The following REEP3 variants were observed in gnomAD, a reference collection of about 807,000 sequenced individuals.
REEP3 encodes the protein receptor expression-enhancing protein 3.
A neutral mutation model predicts 41.3 loss-of-function variants in REEP3; 20 were observed. That is an observed-to-expected ratio of 0.48 (90% CI 0.34 to 0.70). REEP3 has a LOEUF of 0.70. Among genes scored for constraint, REEP3 ranks in the 30% least tolerant of loss-of-function variants. The pLI, the probability that REEP3 is intolerant of heterozygous loss-of-function variation, is 0.01. For synonymous variants in REEP3, 104 were observed against 101.8 expected (o/e 1.02, Z -0.13); for missense variants, 271 against 308.8 (o/e 0.88, Z 0.92).
rs184505674 is a variant in REEP3, at chr10:63,569,744, C to A, written c.105+3334C>A. ...ATCACTTGAGGCCAGGAGTTTGAGA[C>A]CAGCCTGGCCAACATGGTGAAACCC... On this transcript the variant is annotated intron_variant, in intron 2 of 7. Transcript: ENST00000373758. Among the ~76,000 whole-genome samples, 84 of 152,218 alleles carry A rather than the reference C, an allele frequency of 5.5e-4. 1 individual carries two copies. In the East Asian group the frequency reaches 0.016, roughly 29 times the overall value.
chr10:63,584,720 T>G (rs183747867), intron 2 of REEP3, among the ~76,000 whole-genome samples: 65 of 152,312 alleles, frequency 4.3e-4, no homozygotes, highest in African/African-American at 1.4e-3. Context: ...ATACTGTCTC[T>G]AAAAAAATCT....
At chr10:63,608,074 A>G (rs1956245036) in intron 5 of REEP3, among the ~76,000 whole-genome samples, 1 of 152,358 alleles carries the variant, frequency 6.6e-6, no homozygotes, top group East Asian at 1.9e-4. Context: ...GAGAGAAGGC[A>G]CAGAACTACG....
chr10:63,589,783 A>ATATT (rs1317265731), intron 2 of REEP3, among the ~76,000 whole-genome samples: 1 of 82,574 alleles, frequency 1.2e-5, no homozygotes, highest in African/African-American at 4.2e-5. Flanking sequence ...ACAGCAGAAC[A>ATATT]TCTTTTTTTT....
intron 1 of REEP3, among the ~76,000 whole-genome samples, chr10:63,541,830 T>C (rs1955530997): frequency 6.6e-6 from 1 of 152,196 alleles, no homozygotes; most frequent in Admixed American, 6.5e-5. Context: ...CCCGTAGCAA[T>C]GGGATAAAAG....
chr10:63,555,562 T>C (rs1401965453), intron 1 of REEP3, among the ~76,000 whole-genome samples: 1 of 152,170 alleles, frequency 6.6e-6, no homozygotes, highest in Non-Finnish European at 1.5e-5. Context: ...TTGTAACCAT[T>C]TAGTCTACTC....
chr10:63,549,959 C>T (rs932194433), intron 1 of REEP3, among the ~76,000 whole-genome samples: 8 of 152,154 alleles, frequency 5.3e-5, no homozygotes, highest in African/African-American at 1.9e-4. Flanking sequence ...CTGATGCACT[C>T]CCACAGAGGC....
At chr10:63,555,823 G>A (rs900803859) in intron 1 of REEP3, among the ~76,000 whole-genome samples, 2 of 152,092 alleles carry the variant, frequency 1.3e-5, no homozygotes, top group Admixed American at 1.3e-4. Flanking sequence ...TCAGATCCTT[G>A]AGCCCTACTG....
intron 2 of REEP3, among the ~76,000 whole-genome samples, chr10:63,572,611 TTTTC>T (rs1320297899): frequency 1.3e-5 from 2 of 152,184 alleles, no homozygotes; most frequent in Non-Finnish European, 2.9e-5. Flanking sequence ...CCTATCCAAA[TTTTC>T]TTTGTTTTAT....
At chr10:63,536,742 CAT>C (rs1368120515) in intron 1 of REEP3, among the ~76,000 whole-genome samples, 1 of 152,034 alleles carries the variant, frequency 6.6e-6, no homozygotes, top group Non-Finnish European at 1.5e-5. Flanking sequence ...GGCAACTAGA[CAT>C]ATAAAAAGAT....
intron 1 of REEP3, among the ~76,000 whole-genome samples, chr10:63,555,510 A>G (rs1307835664): frequency 6.6e-6 from 1 of 152,206 alleles, no homozygotes; most frequent in Admixed American, 6.5e-5. Flanking sequence ...TCACAGGGAG[A>G]ATATACACAG....
intron 1 of REEP3, among the ~76,000 whole-genome samples, chr10:63,527,962 T>G (rs1334945222): frequency 4.6e-5 from 7 of 151,878 alleles, no homozygotes; most frequent in East Asian, 1.9e-4. Context: ...TGTTTTTTTT[T>G]TTTTTGTTTT....
At chr10:63,523,725 A>C (rs1955325973) in intron 1 of REEP3, among the ~76,000 whole-genome samples, 1 of 152,194 alleles carries the variant, frequency 6.6e-6, no homozygotes, top group Admixed American at 6.6e-5. Context: ...CGTGAGCCAA[A>C]GCCCAGAGGA....
chr10:63,601,118 T>C (rs1956168488), intron 5 of REEP3, among the ~76,000 whole-genome samples: 1 of 151,446 alleles, frequency 6.6e-6, no homozygotes, highest in Non-Finnish European at 1.5e-5. Flanking sequence ...CACACCACTA[T>C]ACTCCAGCCT....
At chr10:63,568,559 G>A (rs1955823547) in intron 2 of REEP3, among the ~76,000 whole-genome samples, 1 of 151,626 alleles carries the variant, frequency 6.6e-6, no homozygotes, top group Non-Finnish European at 1.5e-5. Context: ...GAGCCACTGT[G>A]CCCTGCCGAC....
intron 1 of REEP3, among the ~76,000 whole-genome samples, chr10:63,565,108 A>G (rs1389256186): frequency 1.3e-5 from 2 of 152,104 alleles, no homozygotes; most frequent in Admixed American, 6.5e-5. Context: ...AATACAAAAA[A>G]AATTAGCCGG....
intron 6 of REEP3, among the ~76,000 whole-genome samples, chr10:63,613,232 G>A (rs1203318910): frequency 6.6e-6 from 1 of 152,018 alleles, no homozygotes; most frequent in Non-Finnish European, 1.5e-5. Flanking sequence ...GGCTGGTCTC[G>A]ACCTCCTGAC....
intron 2 of REEP3, among the ~76,000 whole-genome samples, chr10:63,586,196 G>A (rs527652697): frequency 6.6e-6 from 1 of 152,270 alleles, no homozygotes; most frequent in South Asian, 2.1e-4. Flanking sequence ...TTGAGAGAGT[G>A]AAGCTAAGAA....
At chr10:63,593,299 A>G (rs1802520040) in intron 2 of REEP3, among the ~76,000 whole-genome samples, 1 of 152,232 alleles carries the variant, frequency 6.6e-6, no homozygotes, top group Admixed American at 6.5e-5. Flanking sequence ...TGAGGTGAGA[A>G]CAAGGAAAGT....
chr10:63,550,779 G>A (rs967614394), intron 1 of REEP3, among the ~76,000 whole-genome samples: 1 of 152,120 alleles, frequency 6.6e-6, no homozygotes, highest in African/African-American at 2.4e-5. Context: ...AGGACCTCAG[G>A]TAGTATCTAC....
Sources: allele counts gnomAD v4.1 joint callset (sites outside exome capture counted in the v4.1 genomes callset), GRCh38; gene constraint gnomAD v4.1.1; transcripts MANE v1.5; gene names NCBI Gene and HGNC (gene_info 2026-07-23, HGNC 2026-07-21).